BCL11B: variants seen among roughly 807,000 people sequenced by gnomAD.
BCL11B encodes the protein BCL11 transcription factor B.
BCL11B carries 8 observed loss-of-function variants against 49.9 expected under a neutral mutation model. The ratio of observed to expected loss-of-function variants is 0.16; its 90% CI spans 0.09 to 0.29. BCL11B has a LOEUF of 0.29. Ranked by LOEUF, BCL11B falls within the 10% of genes least tolerant of loss-of-function variation. BCL11B has a pLI of 1.00. For missense variants in BCL11B, 1,006 were observed against 1,351.0 expected, an observed-to-expected ratio of 0.74 and a Z score of 4.00; for synonymous variants, 739 against 637.4, an observed-to-expected ratio of 1.16 and a Z score of -2.40.
At chr14:99,226,314 C>A (rs1166574655) in intron 3 of BCL11B, among the ~76,000 whole-genome samples, 1 of 152,174 alleles carries the variant, frequency 6.6e-6, no homozygotes, top group Non-Finnish European at 1.5e-5. Context: ...AACCTTCCCA[C>A]GACGGAGCTC....
In BCL11B at chr14:99,173,390, G is replaced by T. The variant is rs1169206359; in HGVS notation, c.*761C>A. 9.1e-6 allele frequency: 2 copies of T among 219,114 alleles called. No individual in the cohort carries two copies. Among genetic ancestry groups the T allele is most frequent in the Non-Finnish European group, 1.8e-5 (2 of 109,168 alleles). 13.6% of individuals were successfully genotyped at this position (219,114 alleles called of 1,614,324 possible). A position where few individuals can be genotyped will look rare whatever the true frequency, so the allele number is the denominator to read the frequency against. On this transcript the variant is annotated 3_prime_UTR_variant, in exon 4 of 4. Transcript: ENST00000357195. Reference sequence around the variant, plus strand: ...TGCCTCCCCCAGCACCACCACTCAAGGTTTCCCTTATGTAATATGAAAGCC... The same window carrying T: ...TGCCTCCCCCAGCACCACCACTCAATGTTTCCCTTATGTAATATGAAAGCC...
Position 99,173,686 on chromosome 14 carries a change from A to G in BCL11B, c.*465T>C. ...AGTGTTGGCTTCTTCACAAGAAATT[A>G]CACATGCTTAGCTTAAATTTCAAAA... On this transcript the variant is annotated 3_prime_UTR_variant, in exon 4 of 4. Transcript: ENST00000357195. The G allele has an allele frequency of 4.4e-6, 1 of 228,446 alleles. No individual in the cohort carries two copies. The highest frequency in any genetic ancestry group is 6.3e-5 in the East Asian group (1 of 15,802). The allele number at this position is 228,446 out of a possible 1,614,324, so 14.2% of individuals were successfully genotyped here. A position where few individuals can be genotyped will look rare whatever the true frequency, so the allele number is the denominator to read the frequency against.
At position 99,172,262 on chromosome 14, in the gene BCL11B, C is replaced by G. The variant is rs985336447; in HGVS notation, c.*1889G>C. 4.4e-6 allele frequency: 1 copy of G among 226,496 alleles called. No individual in the cohort carries two copies. The highest frequency in any genetic ancestry group is 2.2e-5 in the African/African-American group (1 of 44,944). The allele number at this position is 226,496 out of a possible 1,614,324, so 14.0% of individuals were successfully genotyped here. A position where few individuals can be genotyped will look rare whatever the true frequency, so the allele number is the denominator to read the frequency against. On this transcript the variant is annotated 3_prime_UTR_variant, in exon 4 of 4. Coordinates refer to ENST00000357195, the MANE Select transcript of BCL11B (RefSeq NM_138576.4). ...AATTCAGCAGTAAATCACCTCCACT[C>G]CATATCTAAGCAGCGTTGTCCCAAA... is the stretch of plus-strand genomic sequence containing the variant.
In BCL11B at chr14:99,232,863, A is replaced by C. The variant is rs1888378692; in HGVS notation, c.428-1306T>G. Reference sequence around the variant, plus strand: ...CTAAAACATGGGTTATCCAGGATCAAGGCATCAGGGCATTTAAGAAGACCC... The same window carrying C: ...CTAAAACATGGGTTATCCAGGATCACGGCATCAGGGCATTTAAGAAGACCC... On this transcript the variant is annotated intron_variant, in intron 2 of 3. Transcript: ENST00000357195. This position sits in a 1 kb window ranked among gnomAD's most constrained non-coding sequence, Gnocchi z 5.1. 6.6e-6 allele frequency among the ~76,000 whole-genome samples: 1 copy of C among 152,158 alleles called. No homozygotes were observed. Among genetic ancestry groups the C allele is most frequent in the Non-Finnish European group, 1.5e-5 (1 of 68,022 alleles).
chr14:99,174,000 C>T lies in BCL11B; in HGVS notation c.*151G>A. 1.4e-6 allele frequency: 1 copy of T among 704,056 alleles called. No individual in the cohort carries two copies. The highest frequency in any genetic ancestry group is 1.9e-5 in the South Asian group (1 of 54,000). 43.6% of individuals were successfully genotyped at this position (704,056 alleles called of 1,614,324 possible). A position where few individuals can be genotyped will look rare whatever the true frequency, so the allele number is the denominator to read the frequency against. On this transcript the variant is annotated 3_prime_UTR_variant, in exon 4 of 4. Transcript: ENST00000357195. Reference sequence around the variant, plus strand: ...ACCCTCGGGTTTCCATAGGACTTCGCAGACACAGGTTAGGTTGGAGTGCCG... The same window carrying T: ...ACCCTCGGGTTTCCATAGGACTTCGTAGACACAGGTTAGGTTGGAGTGCCG...
chr14:99,243,845 T>C (rs1223694389), intron 2 of BCL11B, among the ~76,000 whole-genome samples: 1 of 150,244 alleles, frequency 6.7e-6, no homozygotes, highest in Non-Finnish European at 1.5e-5. Context: ...TGGCTACCAA[T>C]TGCACTGGTA....
Position 99,272,065 on chromosome 14 carries a change from C to A in BCL11B, c.-847G>T, listed in dbSNP as rs1889705899. On this transcript the variant is annotated 5_prime_UTR_variant, in exon 1 of 4. Transcript: ENST00000357195. The surrounding 1 kb of genome is among the most constrained non-coding windows in gnomAD (Gnocchi z 6.0). Reference sequence around the variant, plus strand: ...CAGCGCTCCCCTGGCGCCGCGGGCCCGGGGGGAGCGGGGCGGAGGGGCGGC... The same window carrying A: ...CAGCGCTCCCCTGGCGCCGCGGGCCAGGGGGGAGCGGGGCGGAGGGGCGGC... 6.6e-6 allele frequency among the ~76,000 whole-genome samples: 1 copy of A among 151,846 alleles called. No homozygotes were observed. The highest frequency in any genetic ancestry group is 1.5e-5 in the Non-Finnish European group (1 of 67,938).
At position 99,185,586 on chromosome 14, in the gene BCL11B, G is replaced by A. The variant is rs144380326; in HGVS notation, c.641-9391C>T. 9.2e-5 allele frequency among the ~76,000 whole-genome samples: 14 copies of A among 152,262 alleles called. No homozygotes were observed. In the South Asian group the frequency reaches 1.9e-3, roughly 20 times the overall value. ...CAAGGTGCAGGGCGCTGGGCCACGC[G>A]ACGCAGAAAGCAGCTCTGTTTGCTA... On this transcript the variant is annotated intron_variant, in intron 3 of 3. Transcript: ENST00000357195.
intron 3 of BCL11B, among the ~76,000 whole-genome samples, chr14:99,221,898 T>G (rs1368647788): frequency 6.6e-6 from 1 of 152,160 alleles, no homozygotes; most frequent in Non-Finnish European, 1.5e-5. Flanking sequence ...CTGGCACATG[T>G]ATGACCAGCG....
At chr14:99,211,545 CACAG>C (rs1330280870) in intron 3 of BCL11B, among the ~76,000 whole-genome samples, 2 of 152,290 alleles carry the variant, frequency 1.3e-5, no homozygotes, top group East Asian at 1.9e-4. Flanking sequence ...CTCGTGTGCA[CACAG>C]ACATATGTGC....
intron 3 of BCL11B, among the ~76,000 whole-genome samples, chr14:99,216,895 TAC>T (rs1320065511): frequency 1.3e-5 from 2 of 150,628 alleles, no homozygotes; most frequent in Non-Finnish European, 3.0e-5. Context: ...AGATACCATA[TAC>T]ACTCAGACAT....
At chr14:99,250,546 T>C (rs1165162775) in intron 2 of BCL11B, among the ~76,000 whole-genome samples, 1 of 152,158 alleles carries the variant, frequency 6.6e-6, no homozygotes, top group Non-Finnish European at 1.5e-5. Flanking sequence ...CTATAGATTA[T>C]CAGCAGAGCC....
chr14:99,180,696 C>T (rs552949871), intron 3 of BCL11B, among the ~76,000 whole-genome samples: 32 of 152,270 alleles, frequency 2.1e-4, no homozygotes, highest in African/African-American at 7.5e-4. Context: ...GCAGGCGTTA[C>T]GATGGGGTTT....
intron 3 of BCL11B, among the ~76,000 whole-genome samples, chr14:99,198,668 C>G (rs1481445292): frequency 6.6e-6 from 1 of 152,068 alleles, no homozygotes; most frequent in Non-Finnish European, 1.5e-5. Flanking sequence ...AGCCATACCC[C>G]CAGCCTTCCA....
At chr14:99,234,247 C>T (rs549321101) in intron 2 of BCL11B, among the ~76,000 whole-genome samples, 16 of 152,118 alleles carry the variant, frequency 1.1e-4, no homozygotes, top group African/African-American at 3.1e-4. Flanking sequence ...GACGGCTGCA[C>T]GACATTGTGA....
Position 99,269,875 on chromosome 14 carries a change from TAAAAAAAAAAAAAAAAA to T in BCL11B, c.58+1269_58+1285del, listed in dbSNP as rs56659919. On this transcript the variant is annotated intron_variant, in intron 1 of 3. Coordinates refer to ENST00000357195, the MANE Select transcript of BCL11B (RefSeq NM_138576.4). ...GAGGATGTTTTATTTCTATTGCAGT[TAAAAAAAAAAAAAAAAA>T]AAAAAAAAAAAAAAAAAAGGAACGG... Among the ~76,000 whole-genome samples, 82 of 41,238 alleles carry T rather than the reference TAAAAAAAAAAAAAAAAA, an allele frequency of 2.0e-3. 2 individuals carry two copies. Among genetic ancestry groups the T allele is most frequent in the East Asian group, 1.0e-2 (9 of 904 alleles). The allele number at this position is 41,238 out of a possible 152,430, so 27.1% of individuals were successfully genotyped here.
In BCL11B at chr14:99,262,992, C is replaced by G. The variant is rs1286812515; in HGVS notation, c.59-5153G>C. 1 of 151,948 alleles carries G rather than the reference C, an allele frequency of 6.6e-6. No individual in the cohort carries two copies. The highest frequency in any genetic ancestry group is 1.5e-5 in the Non-Finnish European group (1 of 68,026). The allele number at this position is 151,948 out of a possible 1,614,324, so 9.4% of individuals were successfully genotyped here. A position where few individuals can be genotyped will look rare whatever the true frequency, so the allele number is the denominator to read the frequency against. On this transcript the variant is annotated intron_variant, in intron 1 of 3. Transcript: ENST00000357195. This position sits in a 1 kb window ranked among gnomAD's most constrained non-coding sequence, Gnocchi z 4.2. ...CCCTAACGGAGGGAATAATGAAGTG[C>G]CTGGCAGAGAAGGAAATGGAGATAA...
intron 3 of BCL11B, among the ~76,000 whole-genome samples, chr14:99,201,856 C>T (rs1399618932): frequency 6.6e-6 from 1 of 152,182 alleles, no homozygotes; most frequent in African/African-American, 2.4e-5. Context: ...GGGCTCTATG[C>T]CAGGGTGCCC....
chr14:99,211,396 C>G (rs10132838), intron 3 of BCL11B, among the ~76,000 whole-genome samples: 9,028 of 152,280 alleles, frequency 0.059, 937 homozygotes, highest in African/African-American at 0.21. Context: ...GCCCCTCACT[C>G]CATCCTGGCC....
Sources: gnomAD v4.1 joint callset for allele counts (sites outside exome capture counted in the v4.1 genomes callset) on GRCh38, gnomAD v4.1.1 for gene constraint, Gnocchi (gnomAD v3.1) non-coding constraint, MANE v1.5 for transcripts, NCBI Gene and HGNC (gene_info 2026-07-23, HGNC 2026-07-21) for gene names.